Variants in DDHD1 observed in about 807,000 individuals in gnomAD.
The protein encoded by DDHD1 is phospholipase DDHD1.
A neutral mutation model predicts 96.4 loss-of-function variants in DDHD1; 49 were observed. The ratio of observed to expected loss-of-function variants is 0.51; its 90% CI spans 0.40 to 0.64. The LOEUF is 0.64. Ranked by LOEUF, DDHD1 falls within the 30% of genes least tolerant of loss-of-function variation. The pLI is 0.00. For missense variants in DDHD1, 1,106 were observed against 1,161.2 expected, an observed-to-expected ratio of 0.95 and a Z score of 0.69; for synonymous variants, 442 against 446.5, an observed-to-expected ratio of 0.99 and a Z score of 0.13.
At chr14:53,053,657 T>C (rs959025824) in intron 11 of DDHD1, 1 of 152,140 alleles carries the variant, frequency 6.6e-6, no homozygotes, top group African/African-American at 2.4e-5. Flanking sequence ...AGAAAAGTTT[T>C]CTCCCTGCTA....
At chr14:53,061,399 A>T (rs916817300) in intron 7 of DDHD1, 198 bp from the exon 8 acceptor site, 4 of 453,678 alleles carry the variant, frequency 8.8e-6, no homozygotes, top group African/African-American at 4.0e-5. Context: ...TTAGTAAAGT[A>T]CCGCTAGTTG....
chr14:53,065,296 T>C (rs559984301), intron 6 of DDHD1, among the ~76,000 whole-genome samples: 3 of 152,316 alleles, frequency 2.0e-5, no homozygotes, highest in South Asian at 4.1e-4. Flanking sequence ...TTCAAGAAAT[T>C]GTAATGAGAA....
At chr14:53,132,731 C>T (rs897743911) in intron 1 of DDHD1, among the ~76,000 whole-genome samples, 3 of 152,164 alleles carry the variant, frequency 2.0e-5, no homozygotes, top group South Asian at 2.1e-4. Context: ...TTCTCAAGGC[C>T]GCTTTACTTC....
rs756788863 is a variant in DDHD1, at chr14:53,152,759, A to C, written c.340T>G (p.Ser114Ala). 8 of 1,503,140 alleles carry C rather than the reference A, an allele frequency of 5.3e-6. No individual in the cohort carries two copies. Among genetic ancestry groups the C allele is most frequent in the Non-Finnish European group, 7.1e-6 (8 of 1,126,536 alleles). 93.1% of individuals were successfully genotyped at this position (1,503,140 alleles called of 1,614,324 possible). ...SEGESGGGGS[S>A]LSLHPPQQPP... is the part of the protein sequence containing the mutation. ...TGCTGCGGCGGGTGCAGCGACAAGG[A>C]GCTGCCGCCGCCGCCGCTCTCACCC... is the stretch of plus-strand genomic sequence containing the variant. The change falls in exon 1 of 13, where the codon TCC (serine) becomes GCC (alanine). Residue 114 changes from serine to alanine, a missense_variant. Coordinates refer to ENST00000673822, the MANE Select transcript of DDHD1 (RefSeq NM_001160148.2).
At chr14:53,129,950 G>A (rs943479195) in intron 1 of DDHD1, among the ~76,000 whole-genome samples, 9 of 152,044 alleles carry the variant, frequency 5.9e-5, no homozygotes, top group East Asian at 1.9e-4. Flanking sequence ...TTTACACATC[G>A]GTCCCTCCCT....
intron 2 of DDHD1, among the ~76,000 whole-genome samples, chr14:53,102,576 G>A (rs1887385752): frequency 6.6e-6 from 1 of 151,980 alleles, no homozygotes; most frequent in African/African-American, 2.4e-5. Flanking sequence ...TAATCAACTA[G>A]ATGCAAATGA....
At chr14:53,051,203 T>C (rs1882534270) in intron 12 of DDHD1, among the ~76,000 whole-genome samples, 1 of 151,908 alleles carries the variant, frequency 6.6e-6, no homozygotes, top group Non-Finnish European at 1.5e-5. Flanking sequence ...CAGCATTTTT[T>C]TTTTTAAAAG....
chr14:53,049,485 G>T (rs1882343060), intron 12 of DDHD1, among the ~76,000 whole-genome samples: 1 of 151,746 alleles, frequency 6.6e-6, no homozygotes, highest in Non-Finnish European at 1.5e-5. Flanking sequence ...AGGGAGTGAG[G>T]GTCTACATAG....
In DDHD1 at chr14:53,043,209, C is replaced by T. The variant is rs1341014721; in HGVS notation, c.*3559G>A. ...GATGCTTCAGCTCCCAATGAGAAAA[C>T]AGAGAAAAAAGAGACTAAGGATGAA... is the stretch of plus-strand genomic sequence containing the variant. On this transcript the variant is annotated 3_prime_UTR_variant, in exon 13 of 13. Coordinates refer to ENST00000673822, the MANE Select transcript of DDHD1 (RefSeq NM_001160148.2). 6.6e-6 allele frequency: 1 copy of T among 152,032 alleles called. No individual in the cohort carries two copies. The highest frequency in any genetic ancestry group is 1.5e-5 in the Non-Finnish European group (1 of 68,016). The allele number at this position is 152,032 out of a possible 1,614,324, so 9.4% of individuals were successfully genotyped here.
chr14:53,069,964 C>A (rs1884373287), intron 6 of DDHD1, among the ~76,000 whole-genome samples: 1 of 152,166 alleles, frequency 6.6e-6, no homozygotes, highest in Non-Finnish European at 1.5e-5. Flanking sequence ...GCCATTGGTT[C>A]CCTCTTCCTA....
At chr14:53,050,645 T>C (rs982522916) in intron 12 of DDHD1, among the ~76,000 whole-genome samples, 2 of 152,152 alleles carry the variant, frequency 1.3e-5, no homozygotes, top group East Asian at 3.8e-4. Context: ...TTATAGGCAG[T>C]ATTGAAATTT....
chr14:53,079,553 T>C (rs1017747007), intron 4 of DDHD1, among the ~76,000 whole-genome samples: 1 of 152,356 alleles, frequency 6.6e-6, no homozygotes, highest in African/African-American at 2.4e-5. Flanking sequence ...TAGCATAGAA[T>C]TGTGCATAGT....
At chr14:53,080,436 C>T (rs992008727) in intron 4 of DDHD1, among the ~76,000 whole-genome samples, 18 of 152,092 alleles carry the variant, frequency 1.2e-4, no homozygotes, top group Non-Finnish European at 2.5e-4. Context: ...ATATCTTTAG[C>T]CCATTTTCCT....
chr14:53,078,256 A>G (rs1885140866), intron 4 of DDHD1, among the ~76,000 whole-genome samples: 1 of 152,066 alleles, frequency 6.6e-6, no homozygotes, highest in Non-Finnish European at 1.5e-5. Flanking sequence ...AAGGGTTGTG[A>G]TTTTTCTTCA....
chr14:53,114,915 TAAC>T (rs1444381188), intron 1 of DDHD1, among the ~76,000 whole-genome samples: 17 of 152,234 alleles, frequency 1.1e-4, no homozygotes, highest in Admixed American at 1.1e-3. Context: ...AGGTGGGTAA[TAAC>T]AAACTCCTCT....
At chr14:53,067,502 G>C (rs1017431976) in intron 6 of DDHD1, among the ~76,000 whole-genome samples, 2 of 150,386 alleles carry the variant, frequency 1.3e-5, no homozygotes, top group African/African-American at 2.5e-5. Flanking sequence ...CTGTCACCCA[G>C]GCTGCAGTGC....
At chr14:53,102,959 G>A in intron 2 of DDHD1, 2 of 1,449,184 alleles carry the variant, frequency 1.4e-6, no homozygotes, top group South Asian at 1.3e-5. Context: ...TAGCATGGAT[G>A]AAGAAACGGT....
chr14:53,055,840 T>C lies in DDHD1; in HGVS notation c.2065A>G (p.Thr689Ala). 1 of 1,613,924 alleles carries C rather than the reference T, an allele frequency of 6.2e-7. No individual in the cohort carries two copies. The highest frequency in any genetic ancestry group is 8.5e-7 in the Non-Finnish European group (1 of 1,179,862). The change falls in exon 10 of 13, where the codon ACT becomes GCT. Residue 689 changes from threonine to alanine, a missense_variant. By Grantham distance (58) the Thr-to-Ala change is moderately conservative. Coordinates refer to ENST00000673822, the MANE Select transcript of DDHD1 (RefSeq NM_001160148.2). ...ISPVQIHWYN[T>A]SNPLPYEHMK... ...TGTTCATAAGGTAAAGGATTTGAAG[T>C]ATTGTACCAGTGGATCTGGACAGGT...
chr14:53,126,980 G>T (rs1410300017), intron 1 of DDHD1, among the ~76,000 whole-genome samples: 2 of 151,950 alleles, frequency 1.3e-5, no homozygotes, highest in African/African-American at 2.4e-5. Flanking sequence ...AATCAAAAGA[G>T]AAACTAAAAT....
Sources: gnomAD v4.1 joint callset for allele counts (sites outside exome capture counted in the v4.1 genomes callset) on GRCh38, gnomAD v4.1.1 for gene constraint, MANE v1.5 for transcripts, NCBI Gene and HGNC (gene_info 2026-07-23, HGNC 2026-07-21) for gene names.